SLIT3: variants seen among roughly 807,000 people sequenced by gnomAD.
SLIT3 encodes the protein slit homolog 3 protein.
SLIT3 carries 68 observed loss-of-function variants against 184.0 expected under a neutral mutation model. The ratio of observed to expected loss-of-function variants is 0.37; its 90% CI spans 0.30 to 0.45. The LOEUF (loss-of-function observed/expected upper bound fraction) is 0.45. Ranked by LOEUF, SLIT3 falls within the 20% of genes least tolerant of loss-of-function variation. The pLI, the probability that SLIT3 is intolerant of heterozygous loss-of-function variation, is 1.00. For synonymous variants in SLIT3, 831 were observed against 828.6 expected (o/e 1.00, Z -0.05); for missense variants, 1,707 against 2,026.0 (o/e 0.84, Z 3.02).
intron 30 of SLIT3, 79 bp from the exon 31 acceptor site, chr5:168,686,006 C>T: frequency 6.8e-7 from 1 of 1,464,948 alleles, no homozygotes; most frequent in Non-Finnish European, 9.1e-7. Flanking sequence ...GGCCAAAGAA[C>T]CTCGAGCAGA....
chr5:169,230,536 A>G (rs1226961907), intron 3 of SLIT3, among the ~76,000 whole-genome samples: 2 of 152,228 alleles, frequency 1.3e-5, no homozygotes. Context: ...ACTCTGGGTT[A>G]GAGCTAAAAA....
At chr5:168,865,475 T>TACCTTATGTAC (rs1346683947) in intron 5 of SLIT3, among the ~76,000 whole-genome samples, 2 of 152,218 alleles carry the variant, frequency 1.3e-5, no homozygotes, top group African/African-American at 4.8e-5. Flanking sequence ...GTGAAAGATG[T>TACCTTATGTAC]TAGCTACATA....
rs555307167 is a variant in SLIT3 at position 168,672,087 on chromosome 5, C to T, written c.3842-604G>A. Among the ~76,000 whole-genome samples the T allele has an allele frequency of 3.3e-5, 5 of 152,264 alleles. No homozygotes were observed. The South Asian group carries it at 6.2e-4, about 19-fold the overall frequency. ...TTTGCTTTTCAATAATTTGTATTTT[C>T]GCTCCCCTTCTACACCATTCCCTGC... is the stretch of plus-strand genomic sequence containing the variant. On this transcript the variant is annotated intron_variant, in intron 33 of 35. Coordinates refer to ENST00000519560, the MANE Select transcript of SLIT3 (RefSeq NM_003062.4).
At chr5:169,242,450 G>A (rs2113575219) in intron 3 of SLIT3, among the ~76,000 whole-genome samples, 1 of 152,292 alleles carries the variant, frequency 6.6e-6, no homozygotes, top group Middle Eastern at 3.4e-3. Context: ...CTAGCCCAAA[G>A]TATGTGAGAC....
chr5:169,159,072 C>T lies in SLIT3; in HGVS notation c.413+34407G>A, dbSNP rs549694091. Among the ~76,000 whole-genome samples, 7 of 151,938 alleles carry T rather than the reference C, an allele frequency of 4.6e-5. No individual in the cohort carries two copies. The South Asian group carries it at 1.5e-3, about 32-fold the overall frequency. ...CTGAGGCGGGCAGATCACCTGAGGT[C>T]TAAATATACCAATTAAAAAACAGAG... On this transcript the variant is annotated intron_variant, in intron 4 of 35. Transcript: ENST00000519560.
At chr5:168,676,569 G>C (rs1264565723) in intron 32 of SLIT3, among the ~76,000 whole-genome samples, 3 of 152,230 alleles carry the variant, frequency 2.0e-5, no homozygotes, top group Non-Finnish European at 4.4e-5. Context: ...GCAGGAAGGG[G>C]AGGGATGGCC....
At chr5:169,075,637 T>C (rs931807249) in intron 4 of SLIT3, among the ~76,000 whole-genome samples, 3 of 152,212 alleles carry the variant, frequency 2.0e-5, no homozygotes, top group Non-Finnish European at 4.4e-5. Flanking sequence ...AGCAACATTC[T>C]AGGTGGAAGC....
At chr5:169,216,068 C>T (rs899847089) in intron 3 of SLIT3, among the ~76,000 whole-genome samples, 1 of 152,170 alleles carries the variant, frequency 6.6e-6, no homozygotes, top group African/African-American at 2.4e-5. Context: ...TTGCCCTTGG[C>T]CAATTCCTCT....
chr5:168,982,334 G>A (rs894375028), intron 4 of SLIT3, among the ~76,000 whole-genome samples: 1 of 152,138 alleles, frequency 6.6e-6, no homozygotes, highest in Non-Finnish European at 1.5e-5. Context: ...AGAGAGACTT[G>A]AGCTAGCACA....
chr5:168,965,193 G>C (rs181712239), intron 4 of SLIT3, among the ~76,000 whole-genome samples: 1 of 152,172 alleles, frequency 6.6e-6, no homozygotes, highest in East Asian at 1.9e-4. Flanking sequence ...ACTGTACTAT[G>C]AAAGAGAAAA....
chr5:168,726,879 C>T (rs1329487131), intron 20 of SLIT3, among the ~76,000 whole-genome samples: 1 of 151,908 alleles, frequency 6.6e-6, no homozygotes, highest in Non-Finnish European at 1.5e-5. Context: ...GATGTGGAGG[C>T]ACATGCCTGT....
At chr5:169,106,245 G>A (rs1760202041) in intron 4 of SLIT3, among the ~76,000 whole-genome samples, 2 of 152,168 alleles carry the variant, frequency 1.3e-5, no homozygotes, top group Non-Finnish European at 2.9e-5. Flanking sequence ...AGATCAGAAT[G>A]CAGAAGCCAA....
At chr5:168,917,813 C>T (rs1023771027) in intron 4 of SLIT3, among the ~76,000 whole-genome samples, 1 of 152,130 alleles carries the variant, frequency 6.6e-6, no homozygotes, top group African/African-American at 2.4e-5. Context: ...TTCTTTTTTC[C>T]CCAGGCTGAA....
intron 5 of SLIT3, among the ~76,000 whole-genome samples, chr5:168,864,340 T>C (rs1050064424): frequency 1.3e-5 from 2 of 152,216 alleles, no homozygotes; most frequent in Non-Finnish European, 2.9e-5. Flanking sequence ...TCAACCTCAT[T>C]CTTTATAACT....
chr5:169,295,460 A>G (rs1178719324), intron 1 of SLIT3, among the ~76,000 whole-genome samples: 2 of 152,252 alleles, frequency 1.3e-5, no homozygotes, highest in Non-Finnish European at 1.5e-5. Context: ...CCCCATGAAG[A>G]CCGTGCGCTC....
intron 4 of SLIT3, among the ~76,000 whole-genome samples, chr5:168,911,006 C>T (rs1424451612): frequency 2.6e-5 from 4 of 151,940 alleles, no homozygotes; most frequent in Non-Finnish European, 2.9e-5. Context: ...GAGAGCAGCC[C>T]GCTGTTCTGT....
intron 4 of SLIT3, among the ~76,000 whole-genome samples, chr5:168,978,689 G>A (rs760498548): frequency 2.6e-5 from 4 of 152,204 alleles, no homozygotes; most frequent in Non-Finnish European, 5.9e-5. Context: ...CTCATTATTA[G>A]AGGAGGGATG....
At chr5:169,198,973 C>CACAG (rs1561733024) in intron 3 of SLIT3, among the ~76,000 whole-genome samples, 1 of 147,718 alleles carries the variant, frequency 6.8e-6, no homozygotes, top group African/African-American at 2.5e-5. Flanking sequence ...CACACACACA[C>CACAG]ACATATGTGT....
intron 12 of SLIT3, among the ~76,000 whole-genome samples, chr5:168,775,690 A>C (rs893174152): frequency 2.0e-5 from 3 of 151,904 alleles, no homozygotes; most frequent in Non-Finnish European, 1.5e-5. Context: ...ATGTATAATA[A>C]CTCCATATGC....
Sources: allele counts gnomAD v4.1 joint callset (sites outside exome capture counted in the v4.1 genomes callset), GRCh38; gene constraint gnomAD v4.1.1; transcripts MANE v1.5; gene names NCBI Gene and HGNC (gene_info 2026-07-23, HGNC 2026-07-21).